Variants in CPNE8 observed in about 807,000 individuals in gnomAD.
CPNE8 encodes the protein copine 8, also known as copine-8.
A neutral mutation model predicts 81.5 loss-of-function variants in CPNE8; 45 were observed. That is an observed-to-expected ratio of 0.55 (90% confidence interval 0.44 to 0.71). The LOEUF is 0.71. CPNE8 is among the 30% of genes least tolerant of loss of function. The pLI is 0.00. For missense variants in CPNE8, 594 were observed against 672.1 expected (o/e 0.88, Z 1.28); for synonymous variants, 252 against 226.3 (o/e 1.11, Z -1.02).
chr12:38,783,427 C>A (rs985507428), intron 6 of CPNE8, among the ~76,000 whole-genome samples: 1 of 152,160 alleles, frequency 6.6e-6, no homozygotes, highest in African/African-American at 2.4e-5. Context: ...AATCCCCTTG[C>A]AGCTACACTG....
intron 6 of CPNE8, 23 bp downstream of exon 6, chr12:38,829,356 T>C: frequency 6.6e-7 from 1 of 1,520,198 alleles, no homozygotes; most frequent in Non-Finnish European, 9.1e-7. Context: ...GGCATTTCAT[T>C]GTCTGAATTA....
chr12:38,817,710 G>A (rs373982149), intron 6 of CPNE8, among the ~76,000 whole-genome samples: 16 of 128,550 alleles, frequency 1.2e-4, no homozygotes, highest in African/African-American at 3.2e-4. Flanking sequence ...TGCAAGCTCC[G>A]CCTCCTGGGT....
At chr12:38,668,234 G>T (rs1431686442) in intron 19 of CPNE8, among the ~76,000 whole-genome samples, 1 of 152,220 alleles carries the variant, frequency 6.6e-6, no homozygotes, top group East Asian at 1.9e-4. Context: ...AAAGATGAAA[G>T]AATTTGGAGT....
chr12:38,676,674 A>G (rs568477452), intron 17 of CPNE8, among the ~76,000 whole-genome samples: 1 of 152,304 alleles, frequency 6.6e-6, no homozygotes, highest in South Asian at 2.1e-4. Flanking sequence ...CATATAATAT[A>G]TCACATATCA....
At chr12:38,710,184 C>T (rs986739629) in intron 13 of CPNE8, among the ~76,000 whole-genome samples, 5 of 137,282 alleles carry the variant, frequency 3.6e-5, no homozygotes, top group African/African-American at 1.3e-4. Context: ...TCAAGAACAC[C>T]TTATCAAAAA....
At chr12:38,659,432 C>T (rs567495011) in intron 19 of CPNE8, among the ~76,000 whole-genome samples, 1 of 152,292 alleles carries the variant, frequency 6.6e-6, no homozygotes, top group African/African-American at 2.4e-5. Context: ...GAGACTTAGA[C>T]TCCCACACAA....
chr12:38,716,909 C>A (rs908402126), intron 13 of CPNE8, among the ~76,000 whole-genome samples: 2 of 151,964 alleles, frequency 1.3e-5, no homozygotes, highest in Admixed American at 1.3e-4. Context: ...GGACTGGTGT[C>A]CAGAATCTAC....
At chr12:38,746,200 A>C (rs76746921) in intron 10 of CPNE8, among the ~76,000 whole-genome samples, 3,016 of 152,222 alleles carry the variant, frequency 0.02, 94 homozygotes, top group African/African-American at 0.068. Context: ...TTAAAAAAAA[A>C]CCCTTTTGAA....
intron 11 of CPNE8, 72 bp from the exon 12 acceptor site, chr12:38,724,971 T>C: frequency 7.6e-7 from 1 of 1,321,074 alleles, no homozygotes; most frequent in Non-Finnish European, 1.1e-6. Context: ...TTTTTAAAAA[T>C]GTGAAGTTTA....
At chr12:38,741,359 G>A (rs1295136203) in intron 10 of CPNE8, among the ~76,000 whole-genome samples, 1 of 152,082 alleles carries the variant, frequency 6.6e-6, no homozygotes, top group Non-Finnish European at 1.5e-5. Context: ...ACAGAACAGA[G>A]CCCTCAGAAT....
chr12:38,805,612 GTAAC>G (rs1482120178), intron 6 of CPNE8, among the ~76,000 whole-genome samples: 1 of 102,872 alleles, frequency 9.7e-6, no homozygotes, highest in African/African-American at 3.6e-5. Context: ...GTATACATAT[GTAAC>G]TAACCTGCAC....
chr12:38,674,015 G>A (rs1032355234), intron 18 of CPNE8, among the ~76,000 whole-genome samples: 4 of 152,036 alleles, frequency 2.6e-5, no homozygotes, highest in Admixed American at 6.6e-5. Flanking sequence ...TAATAAAGCT[G>A]ATAGAGTGAT....
At chr12:38,784,721 C>T (rs149086079) in intron 6 of CPNE8, among the ~76,000 whole-genome samples, 1 of 151,546 alleles carries the variant, frequency 6.6e-6, no homozygotes, top group Non-Finnish European at 1.5e-5. Flanking sequence ...AGTGGCATGA[C>T]ATATATAAAA....
chr12:38,709,953 G>A (rs903440660), intron 13 of CPNE8, among the ~76,000 whole-genome samples: 1 of 151,854 alleles, frequency 6.6e-6, no homozygotes, highest in African/African-American at 2.4e-5. Context: ...GATTCCTGGG[G>A]ATCAGTGAAA....
chr12:38,692,042 A>G (rs1939687476), intron 15 of CPNE8, among the ~76,000 whole-genome samples: 1 of 152,166 alleles, frequency 6.6e-6, no homozygotes, highest in Non-Finnish European at 1.5e-5. Context: ...CTGCAGTCCC[A>G]GCACTTTGGG....
chr12:38,769,933 G>T (rs138434167), intron 7 of CPNE8, among the ~76,000 whole-genome samples: 2 of 152,188 alleles, frequency 1.3e-5, no homozygotes, highest in Non-Finnish European at 2.9e-5. Context: ...AATTACTCAG[G>T]TTAACAACTT....
intron 3 of CPNE8, among the ~76,000 whole-genome samples, chr12:38,872,649 C>A (rs1944009574): frequency 1.3e-5 from 2 of 152,314 alleles, no homozygotes; most frequent in Middle Eastern, 3.4e-3. Context: ...CAACTGAAAT[C>A]TTTTCAAGTG....
intron 13 of CPNE8, among the ~76,000 whole-genome samples, chr12:38,708,290 A>C (rs910198681): frequency 6.6e-6 from 1 of 152,252 alleles, no homozygotes. Flanking sequence ...ACAACATTTC[A>C]ATCAGTAACG....
At chr12:38,794,207 A>G (rs1942399192) in intron 6 of CPNE8, among the ~76,000 whole-genome samples, 1 of 152,194 alleles carries the variant, frequency 6.6e-6, no homozygotes. Context: ...TGGGGCCTGC[A>G]TTAAGTTTAA....
Sources: gnomAD v4.1 joint callset for allele counts (sites outside exome capture counted in the v4.1 genomes callset) on GRCh38, gnomAD v4.1.1 for gene constraint, MANE v1.5 for transcripts, NCBI Gene and HGNC (gene_info 2026-07-23, HGNC 2026-07-21) for gene names.